The following DSCAM variants were observed in gnomAD, a reference collection of about 807,000 sequenced individuals.
DSCAM encodes DS cell adhesion molecule, also known as cell adhesion molecule DSCAM.
DSCAM carries 47 observed loss-of-function variants against 217.7 expected under a neutral mutation model. The observed-to-expected ratio is 0.22, with a 90% CI of 0.17 to 0.28. DSCAM has a LOEUF of 0.28. Ranked by LOEUF, DSCAM falls within the 10% of genes least tolerant of loss-of-function variation. The pLI is 1.00. For missense variants in DSCAM, 2,080 were observed against 2,618.3 expected (o/e 0.79, Z 4.49); for synonymous variants, 1,056 against 1,015.3 (o/e 1.04, Z -0.76).
intron 1 of DSCAM, among the ~76,000 whole-genome samples, chr21:40,780,423 G>GTGTGTATGTATATATATATATATA (rs1007015659): frequency 1.1e-4 from 6 of 56,416 alleles, no homozygotes. Flanking sequence ...GTGTGTGTGT[G>GTGTGTATGTATATATATATATATA]TATATATATA....
At chr21:40,719,252 C>T (rs2090876339) in intron 1 of DSCAM, among the ~76,000 whole-genome samples, 1 of 152,164 alleles carries the variant, frequency 6.6e-6, no homozygotes. Flanking sequence ...ATTAAAAGTA[C>T]AGTGGGGTAC....
intron 20 of DSCAM, among the ~76,000 whole-genome samples, chr21:40,108,507 A>G (rs2089851127): frequency 6.6e-6 from 1 of 152,230 alleles, no homozygotes; most frequent in African/African-American, 2.4e-5. Context: ...CAGAGATGAC[A>G]CAAACAAATG....
At chr21:40,660,964 G>T (rs568411361) in intron 3 of DSCAM, among the ~76,000 whole-genome samples, 12 of 152,242 alleles carry the variant, frequency 7.9e-5, no homozygotes, top group African/African-American at 2.9e-4. Context: ...CTCCCTTCCA[G>T]GCTAATTTCT....
At chr21:40,168,316 G>A in intron 15 of DSCAM, among the ~76,000 whole-genome samples, 1 of 152,172 alleles carries the variant, frequency 6.6e-6, no homozygotes, top group East Asian at 1.9e-4. Context: ...ATAGGCATGT[G>A]TTGGAAATGT....
rs1466524465 is a variant in DSCAM, at chr21:40,024,426, T to TG, written c.5687-11041dup. Among the ~76,000 whole-genome samples, 2 of 77,714 alleles carry TG rather than the reference T, an allele frequency of 2.6e-5. 1 individual carries two copies. The highest frequency in any genetic ancestry group is 5.7e-5 in the Non-Finnish European group (2 of 35,308). The allele number at this position is 77,714 out of a possible 152,430, so 51.0% of individuals were successfully genotyped here. On this transcript the variant is annotated intron_variant, in intron 32 of 32. Transcript: ENST00000400454. ...GTGAAGAAAGGCATTGGTACCTTGA[T>TG]GGGGATGGCACTGAATCTGTAAATT...
intron 3 of DSCAM, among the ~76,000 whole-genome samples, chr21:40,462,923 T>A (rs2075817578): frequency 6.6e-6 from 1 of 152,184 alleles, no homozygotes; most frequent in South Asian, 2.1e-4. Context: ...TATTCAACTT[T>A]GCAAAATAGA....
intron 4 of DSCAM, among the ~76,000 whole-genome samples, chr21:40,356,151 G>A (rs1403984729): frequency 6.6e-6 from 1 of 152,136 alleles, no homozygotes; most frequent in East Asian, 1.9e-4. Context: ...TACCCAGAGT[G>A]GGATTGCTAG....
chr21:40,216,102 C>G (rs191551469), intron 11 of DSCAM, among the ~76,000 whole-genome samples: 1 of 151,860 alleles, frequency 6.6e-6, no homozygotes, highest in African/African-American at 2.4e-5. Context: ...ACAAATGAGC[C>G]CTTTTTGTTT....
At chr21:40,643,025 C>A (rs193180012) in intron 3 of DSCAM, among the ~76,000 whole-genome samples, 64 of 152,302 alleles carry the variant, frequency 4.2e-4, no homozygotes, top group Non-Finnish European at 8.5e-4. Context: ...AGGCTCCTGG[C>A]ACCTGCTGCA....
chr21:40,669,610 C>A (rs2090247549), intron 3 of DSCAM, among the ~76,000 whole-genome samples: 1 of 145,454 alleles, frequency 6.9e-6, no homozygotes, highest in African/African-American at 2.5e-5. Flanking sequence ...TTTTTTGAGA[C>A]AGAGTCTCGC....
intron 3 of DSCAM, among the ~76,000 whole-genome samples, chr21:40,397,666 G>C (rs904673408): frequency 6.6e-6 from 1 of 152,028 alleles, no homozygotes; most frequent in Non-Finnish European, 1.5e-5. Flanking sequence ...TGAACCCCTA[G>C]TGTTTTGGCA....
intron 32 of DSCAM, among the ~76,000 whole-genome samples, chr21:40,021,205 CAAAAAAAA>C (rs763435750): frequency 1.2e-5 from 1 of 85,082 alleles, no homozygotes; most frequent in South Asian, 4.8e-4. Flanking sequence ...GACTCCGTCT[CAAAAAAAA>C]AAAAAAAAAA....
chr21:40,823,652 GA>G (rs2091947140), intron 1 of DSCAM, among the ~76,000 whole-genome samples: 1 of 152,176 alleles, frequency 6.6e-6, no homozygotes, highest in Non-Finnish European at 1.5e-5. Context: ...AATAGATGGT[GA>G]TTGCTACAGT....
chr21:40,055,988 GT>G (rs1259768392), intron 28 of DSCAM, 148 bp from the exon 29 acceptor site: 6 of 507,764 alleles, frequency 1.2e-5, no homozygotes, highest in Non-Finnish European at 2.1e-5. Context: ...CTATGAAAAC[GT>G]TTCCTTCATT....
intron 1 of DSCAM, among the ~76,000 whole-genome samples, chr21:40,731,022 T>G (rs2091006036): frequency 6.6e-6 from 1 of 152,182 alleles, no homozygotes. Flanking sequence ...ATTTACATAT[T>G]TATTGTTTCT....
At chr21:40,540,145 G>C (rs1274495617) in intron 3 of DSCAM, among the ~76,000 whole-genome samples, 1 of 151,928 alleles carries the variant, frequency 6.6e-6, no homozygotes, top group Admixed American at 6.6e-5. Context: ...CATGCTTCTG[G>C]GCCGTTCCTC....
chr21:40,523,604 G>T (rs1030964924), intron 3 of DSCAM, among the ~76,000 whole-genome samples: 1 of 152,154 alleles, frequency 6.6e-6, no homozygotes, highest in African/African-American at 2.4e-5. Flanking sequence ...CATCTGCTGA[G>T]AGCTTCTTCC....
chr21:40,459,622 C>G (rs1031396336), intron 3 of DSCAM, among the ~76,000 whole-genome samples: 2 of 152,110 alleles, frequency 1.3e-5, no homozygotes, highest in African/African-American at 4.8e-5. Context: ...CACAAAATGA[C>G]CATTGAGTAA....
At chr21:40,103,798 A>G (rs967235252) in intron 20 of DSCAM, among the ~76,000 whole-genome samples, 7 of 150,606 alleles carry the variant, frequency 4.6e-5, no homozygotes, top group African/African-American at 1.7e-4. Context: ...ATGACCATAT[A>G]TATATATATG....
Sources: gnomAD v4.1 joint callset for allele counts (sites outside exome capture counted in the v4.1 genomes callset) on GRCh38, gnomAD v4.1.1 for gene constraint, MANE v1.5 for transcripts, NCBI Gene and HGNC (gene_info 2026-07-23, HGNC 2026-07-21) for gene names.